Variants in ZNF236 observed in about 807,000 individuals in gnomAD.
The protein encoded by ZNF236 is zinc finger protein 236, also known as regulated by glucose.
ZNF236 carries 50 observed loss-of-function variants against 191.2 expected under a neutral mutation model. The ratio of observed to expected loss-of-function variants is 0.26; its 90% CI spans 0.21 to 0.33. The LOEUF (loss-of-function observed/expected upper bound fraction) is 0.33, where lower values mean the gene tolerates loss of function less well. Ranked by LOEUF, ZNF236 falls within the 10% of genes least tolerant of loss-of-function variation. The pLI, the probability that ZNF236 is intolerant of heterozygous loss-of-function variation, is 1.00. For synonymous variants in ZNF236, 907 were observed against 928.8 expected, an observed-to-expected ratio of 0.98 and a Z score of 0.43; for missense variants, 1,754 against 2,374.5, an observed-to-expected ratio of 0.74 and a Z score of 5.43.
In ZNF236 at chr18:76,925,067, T is replaced by A. The variant is rs1967637095; in HGVS notation, c.3662-122T>A. On this transcript the variant is annotated intron_variant, in intron 21 of 30. Coordinates refer to ENST00000320610, the MANE Select transcript of ZNF236 (RefSeq NM_001306089.2). This position sits in a 1 kb window ranked among gnomAD's most constrained non-coding sequence, Gnocchi z 5.7. ...AACATCTTATAGGTGAAAGGGATTC[T>A]CATTAAAGTACTTCCATCCACTGAT... 7.8e-6 allele frequency: 11 copies of A among 1,419,106 alleles called. No individual in the cohort carries two copies. In the East Asian group the frequency reaches 2.5e-4, roughly 32 times the overall value. The allele number at this position is 1,419,106 out of a possible 1,614,324, so 87.9% of individuals were successfully genotyped here.
chr18:76,854,833 A>G (rs1975997615), intron 3 of ZNF236, among the ~76,000 whole-genome samples: 2 of 152,228 alleles, frequency 1.3e-5, no homozygotes, highest in African/African-American at 4.8e-5. Flanking sequence ...TAGAAAGTAC[A>G]TGCCAATTTA....
intron 22 of ZNF236, among the ~76,000 whole-genome samples, chr18:76,926,468 A>G (rs1384877695): frequency 2.0e-5 from 3 of 152,068 alleles, no homozygotes. Context: ...CATTGTGTGT[A>G]TATATGGTAT....
intron 30 of ZNF236, among the ~76,000 whole-genome samples, chr18:76,962,330 A>G (rs941697008): frequency 1.3e-5 from 2 of 151,906 alleles, no homozygotes; most frequent in African/African-American, 4.8e-5. Flanking sequence ...TCCCCATTTT[A>G]TGTTTTTGTT....
At chr18:76,863,194 C>G (rs1480915657) in intron 3 of ZNF236, among the ~76,000 whole-genome samples, 1 of 152,086 alleles carries the variant, frequency 6.6e-6, no homozygotes, top group African/African-American at 2.4e-5. Flanking sequence ...AACAGGGCCT[C>G]AGGGAACTTT....
At chr18:76,823,891 C>G (rs752016960) in intron 1 of ZNF236, among the ~76,000 whole-genome samples, 2 of 152,272 alleles carry the variant, frequency 1.3e-5, no homozygotes, top group Admixed American at 1.3e-4. Flanking sequence ...ACGCGAGTCT[C>G]CCCCTGCAGG....
intron 1 of ZNF236, among the ~76,000 whole-genome samples, chr18:76,837,491 A>AGTG (rs1224823900): frequency 2.4e-5 from 3 of 122,612 alleles, no homozygotes; most frequent in Non-Finnish European, 4.7e-5. Flanking sequence ...CCCAGGCTGG[A>AGTG]GTGCAGTGGT....
intron 26 of ZNF236, among the ~76,000 whole-genome samples, chr18:76,946,900 ATTAT>A (rs1237868654): frequency 2.0e-5 from 3 of 152,230 alleles, no homozygotes; most frequent in Non-Finnish European, 2.9e-5. Context: ...AGTTCACCTA[ATTAT>A]TTAAAGTATA....
At chr18:76,957,084 G>A (rs1968540872) in intron 28 of ZNF236, among the ~76,000 whole-genome samples, 1 of 152,206 alleles carries the variant, frequency 6.6e-6, no homozygotes, top group Non-Finnish European at 1.5e-5. Flanking sequence ...GCAGAGGCGT[G>A]CCACGCTGGC....
At chr18:76,951,730 ACACAAGAG>A (rs1968415867) in intron 27 of ZNF236, among the ~76,000 whole-genome samples, 1 of 152,204 alleles carries the variant, frequency 6.6e-6, no homozygotes, top group Non-Finnish European at 1.5e-5. Context: ...TAATAGTTTG[ACACAAGAG>A]GCTGAGCTTT....
rs757076763 is a variant in ZNF236, at chr18:76,895,188, C to G, written c.1593C>G (p.Ile531Met). The G allele has an allele frequency of 1.9e-6, 3 of 1,604,306 alleles. No individual in the cohort carries two copies. The highest frequency in any genetic ancestry group is 1.7e-6 in the Non-Finnish European group (2 of 1,179,972). The change falls in exon 10 of 31, where the codon ATC becomes ATG. Residue 531 changes from isoleucine (I) to methionine (M), a missense_variant. Physicochemically the swap from Ile to Met is conservative, Grantham distance 10. This residue lies in a region of ZNF236 where 641 missense variants were observed against 869.6 expected (regional missense o/e 0.74). Coordinates refer to ENST00000320610, the MANE Select transcript of ZNF236 (RefSeq NM_001306089.2). ...FAVKSTLTAH[I>M]KTHTGIKAFK... is the part of the protein sequence containing the mutation. ...TGAAGAGCACGCTGACAGCGCACAT[C>G]AAGACGCACACCGGCATCAAGGCGT...
At chr18:76,826,190 C>T (rs1431208622) in intron 1 of ZNF236, among the ~76,000 whole-genome samples, 1 of 151,874 alleles carries the variant, frequency 6.6e-6, no homozygotes, top group African/African-American at 2.4e-5. Flanking sequence ...TGTCTCACTG[C>T]AACCTCCGCC....
intron 3 of ZNF236, among the ~76,000 whole-genome samples, chr18:76,859,210 A>G (rs62113101): frequency 0.4 from 14,749 of 36,970 alleles, 2,470 homozygotes; most frequent in East Asian, 0.57. Context: ...AGCTGGAGGC[A>G]GGTGCAGGTG....
At chr18:76,911,686 C>G (rs1167902149) in intron 16 of ZNF236, among the ~76,000 whole-genome samples, 5 of 151,512 alleles carry the variant, frequency 3.3e-5, no homozygotes, top group Non-Finnish European at 7.3e-5. Flanking sequence ...TGGAGCTTAT[C>G]CTCTACTCAG....
chr18:76,825,301 C>T (rs548395073), intron 1 of ZNF236, among the ~76,000 whole-genome samples: 119 of 152,300 alleles, frequency 7.8e-4, no homozygotes, highest in Non-Finnish European at 1.4e-3. Flanking sequence ...GTTCCTGGAC[C>T]CCTGGGGGTT....
chr18:76,913,347 G>A (rs1033490211), intron 17 of ZNF236, among the ~76,000 whole-genome samples: 1 of 152,182 alleles, frequency 6.6e-6, no homozygotes, highest in African/African-American at 2.4e-5. Flanking sequence ...CTAGATACAG[G>A]AGTGATTCTG....
intron 25 of ZNF236, among the ~76,000 whole-genome samples, chr18:76,932,909 G>A (rs1420379990): frequency 6.6e-6 from 1 of 152,218 alleles, no homozygotes; most frequent in Non-Finnish European, 1.5e-5. Context: ...TGCTCTAGCT[G>A]CCCGCGTTTC....
At position 76,944,721 on chromosome 18, in the gene ZNF236, G is replaced by A. The variant is rs551656697; in HGVS notation, c.4783-2800G>A. On this transcript the variant is annotated intron_variant, in intron 26 of 30. Coordinates refer to ENST00000320610, the MANE Select transcript of ZNF236 (RefSeq NM_001306089.2). ...CGCTTGAACTCAGGAGGTGGAGGTT[G>A]CAGTGAGCTGAGATTGTGCCATTGC... Among the ~76,000 whole-genome samples, 3 of 152,324 alleles carry A rather than the reference G, an allele frequency of 2.0e-5. No homozygotes were observed. The South Asian group carries it at 6.2e-4, about 32-fold the overall frequency.
chr18:76,948,055 C>T (rs9963130), intron 27 of ZNF236, among the ~76,000 whole-genome samples: 7,278 of 152,148 alleles, frequency 0.048, 309 homozygotes, highest in African/African-American at 0.11. Context: ...AAGTGTCATA[C>T]ACATTTTCAT....
chr18:76,944,477 C>A (rs1484708052), intron 26 of ZNF236, among the ~76,000 whole-genome samples: 1 of 152,140 alleles, frequency 6.6e-6, no homozygotes, highest in Non-Finnish European at 1.5e-5. Flanking sequence ...ATTTTTAAAT[C>A]AGGGTATTTG....
Sources: allele counts gnomAD v4.1 joint callset (sites outside exome capture counted in the v4.1 genomes callset), GRCh38; gene constraint gnomAD v4.1.1; regional missense constraint gnomAD v4.1.1; non-coding constraint Gnocchi (gnomAD v3.1); transcripts MANE v1.5; gene names NCBI Gene and HGNC (gene_info 2026-07-23, HGNC 2026-07-21).